Variants in CEP20 observed in about 807,000 individuals in gnomAD.
CEP20 encodes the protein FGFR1OP N-terminal like.
Under a neutral mutation model 20.0 loss-of-function variants are expected in CEP20, and 18 were observed. That is an observed-to-expected ratio of 0.90 (90% confidence interval 0.62 to 1.34). The LOEUF (loss-of-function observed/expected upper bound fraction) is 1.34. CEP20 is among the 40% of genes most tolerant of loss of function. The probability of loss-of-function intolerance (pLI) is 0.00; values close to 1 mark genes in which losing one functional copy is unlikely to be tolerated. For missense variants in CEP20, 215 were observed against 201.6 expected (o/e 1.07, Z -0.40); for synonymous variants, 77 against 73.7 (o/e 1.04, Z -0.23).
Position 15,884,218 on chromosome 16 carries a change from A to G in CEP20, c.29-13T>C. On this transcript the variant is annotated splice_polypyrimidine_tract_variant and intron_variant, in intron 1 of 4. Transcript: ENST00000255759. ...GTGTCCTTTAAAACTGTTCGATATAAAATATTAAGGCTTCAGTTACAGAGT... is the reference window on the plus strand; with the variant it reads ...GTGTCCTTTAAAACTGTTCGATATAGAATATTAAGGCTTCAGTTACAGAGT... The G allele has an allele frequency of 6.3e-7, 1 of 1,588,526 alleles. No individual in the cohort carries two copies. The highest frequency in any genetic ancestry group is 8.6e-7 in the Non-Finnish European group (1 of 1,164,322).
chr16:15,881,810 T>C (rs2045104146), intron 2 of CEP20, among the ~76,000 whole-genome samples: 4 of 152,140 alleles, frequency 2.6e-5, no homozygotes. Flanking sequence ...AAGAGCAAAT[T>C]TATTTCTCAA....
At chr16:15,869,922 A>T (rs1317927905) in intron 4 of CEP20, among the ~76,000 whole-genome samples, 1 of 152,162 alleles carries the variant, frequency 6.6e-6, no homozygotes, top group Non-Finnish European at 1.5e-5. Context: ...TTCTTCCCCG[A>T]TTCATTCAGC....
intron 1 of CEP20, chr16:15,885,803 G>A (rs940092956): frequency 1.3e-5 from 2 of 152,272 alleles, no homozygotes; most frequent in African/African-American, 2.4e-5. Context: ...ATCTTAAGGA[G>A]TCAGGGATGT....
intron 3 of CEP20, among the ~76,000 whole-genome samples, chr16:15,876,611 A>T (rs1218558112): frequency 6.6e-6 from 1 of 152,136 alleles, no homozygotes; most frequent in Admixed American, 6.5e-5. Context: ...GACTACAGGC[A>T]TGTCATTTTA....
chr16:15,874,545 TG>T (rs1359061706), intron 3 of CEP20, among the ~76,000 whole-genome samples: 2 of 152,264 alleles, frequency 1.3e-5, no homozygotes, highest in Non-Finnish European at 2.9e-5. Context: ...AAAGCTGCTC[TG>T]CTGACAATCA....
rs1310360472 is a variant in CEP20 at position 15,866,464 on chromosome 16, TG to T, written c.*975del. On this transcript the variant is annotated 3_prime_UTR_variant, in exon 5 of 5. Transcript: ENST00000255759. ...AGTTGTTTTCAATGAAATGAGCCTG[TG>T]GACACTACATTAAAAATACTTCTTT... 6.6e-6 allele frequency: 1 copy of T among 152,214 alleles called. No homozygotes were observed. The highest frequency in any genetic ancestry group is 1.9e-4 in the East Asian group (1 of 5,200). The allele number at this position is 152,214 out of a possible 1,614,324, so 9.4% of individuals were successfully genotyped here.
chr16:15,870,759 T>C (rs1030737515), intron 4 of CEP20, among the ~76,000 whole-genome samples: 17 of 151,900 alleles, frequency 1.1e-4, no homozygotes, highest in African/African-American at 4.1e-4. Context: ...TACAGTGAGC[T>C]ATGATTGTGC....
chr16:15,884,108 G>C lies in CEP20; in HGVS notation c.126C>G (p.Pro42=). ...GGTTTTCATGAGACAATGATGGTCGGGGTTCACGGTCATCATCTAGGGCAT... is the reference window on the plus strand; with the variant it reads ...GGTTTTCATGAGACAATGATGGTCGCGGTTCACGGTCATCATCTAGGGCAT... ...VFNALDDDRE[P]RPSLSHENLL... is the part of the protein sequence containing the mutation. The change falls in exon 2 of 5, where the codon CCC becomes CCG. Residue 42 remains proline, a synonymous_variant. Transcript: ENST00000255759. 2 of 1,613,998 alleles carry C rather than the reference G, an allele frequency of 1.2e-6. No individual in the cohort carries two copies. Among genetic ancestry groups the C allele is most frequent in the Non-Finnish European group, 8.5e-7 (1 of 1,179,946 alleles).
Position 15,879,797 on chromosome 16 carries a change from G to T in CEP20, c.311+7C>A, listed in dbSNP as rs8045082. The T allele has an allele frequency of 0.83, 1,282,403 of 1,541,274 alleles. 535,252 individuals are homozygous for T. The highest frequency in any genetic ancestry group is 0.86 in the Admixed American group (42,295 of 49,104). ...TATGTGGAAACTTCTTTAAAAAAAT[G>T]TCTTACATTGTATTATCCTTTGATT... On this transcript the variant is annotated splice_region_variant and intron_variant, in intron 3 of 4. Coordinates refer to ENST00000255759, the MANE Select transcript of CEP20 (RefSeq NM_144600.4).
intron 1 of CEP20, 31 bp from the exon 2 acceptor site, chr16:15,884,236 T>TA (rs761722956): frequency 1.3e-6 from 2 of 1,566,764 alleles, no homozygotes; most frequent in Admixed American, 3.7e-5. Flanking sequence ...AGGCTTCAGT[T>TA]ACAGAGTAAA....
chr16:15,886,660 T>G (rs2045254567), intron 1 of CEP20, among the ~76,000 whole-genome samples: 1 of 152,116 alleles, frequency 6.6e-6, no homozygotes, highest in Admixed American at 6.6e-5. Context: ...AATAATGAGC[T>G]CTACCTCTCA....
chr16:15,879,253 T>C (rs1020467021), intron 3 of CEP20, among the ~76,000 whole-genome samples: 3 of 149,610 alleles, frequency 2.0e-5, no homozygotes, highest in African/African-American at 7.4e-5. Flanking sequence ...TCATAGTTTT[T>C]GTTTTTGTTT....
At chr16:15,869,826 C>G (rs775207374) in intron 4 of CEP20, among the ~76,000 whole-genome samples, 1 of 152,170 alleles carries the variant, frequency 6.6e-6, no homozygotes, top group Non-Finnish European at 1.5e-5. Context: ...TGATGCAGTT[C>G]TGGCTGACAA....
chr16:15,882,731 A>ATCTATC (rs2045129396), intron 2 of CEP20, among the ~76,000 whole-genome samples: 1 of 145,546 alleles, frequency 6.9e-6, no homozygotes, highest in East Asian at 2.0e-4. Flanking sequence ...TATCTCCATT[A>ATCTATC]TATCTATCTA....
intron 3 of CEP20, among the ~76,000 whole-genome samples, chr16:15,876,820 T>G (rs2044962278): frequency 6.6e-6 from 1 of 152,132 alleles, no homozygotes; most frequent in Non-Finnish European, 1.5e-5. Flanking sequence ...TAGCAACTTT[T>G]TTTTTTGCTT....
chr16:15,878,445 T>A (rs1263361352), intron 3 of CEP20, among the ~76,000 whole-genome samples: 2 of 152,114 alleles, frequency 1.3e-5, no homozygotes, highest in Non-Finnish European at 2.9e-5. Context: ...GAGTTAGATT[T>A]AACTGGAATG....
At chr16:15,882,784 TACAC>T (rs71388769) in intron 2 of CEP20, among the ~76,000 whole-genome samples, 7 of 149,754 alleles carry the variant, frequency 4.7e-5, no homozygotes, top group Admixed American at 6.7e-5. Context: ...TCTATCTAGA[TACAC>T]ACACACACAC....
At chr16:15,869,188 G>T (rs1033538956) in intron 4 of CEP20, among the ~76,000 whole-genome samples, 1 of 151,940 alleles carries the variant, frequency 6.6e-6, no homozygotes, top group African/African-American at 2.4e-5. Context: ...CAAATGCACT[G>T]GCTGTCATTT....
intron 4 of CEP20, among the ~76,000 whole-genome samples, chr16:15,868,424 G>A (rs549138761): frequency 1.3e-5 from 2 of 151,238 alleles, no homozygotes; most frequent in Admixed American, 6.6e-5. Flanking sequence ...CTCTTGTCTC[G>A]AGAAGAAAAA....
Sources: gnomAD v4.1 joint callset for allele counts (sites outside exome capture counted in the v4.1 genomes callset) on GRCh38, gnomAD v4.1.1 for gene constraint, MANE v1.5 for transcripts, NCBI Gene and HGNC (gene_info 2026-07-23, HGNC 2026-07-21) for gene names.